The following LAMA5 variants were observed in gnomAD, a reference collection of about 807,000 sequenced individuals.
The protein encoded by LAMA5 is laminin subunit alpha-5.
LAMA5 carries 260 observed loss-of-function variants against 433.4 expected under a neutral mutation model. The observed-to-expected ratio is 0.60, with a 90% confidence interval of 0.54 to 0.66. The LOEUF is 0.66. LAMA5 is among the 30% of genes least tolerant of loss of function. LAMA5 has a pLI of 0.00. For missense variants in LAMA5, 5,378 were observed against 5,258.5 expected, an observed-to-expected ratio of 1.02 and a Z score of -0.70; for synonymous variants, 2,620 against 2,226.6, an observed-to-expected ratio of 1.18 and a Z score of -4.97.
chr20:62,335,324 C>G, intron 18 of LAMA5, 55 bp from the exon 19 acceptor site: 1 of 1,590,666 alleles, frequency 6.3e-7, no homozygotes, highest in African/African-American at 1.3e-5. Flanking sequence ...AGCCTGGCTC[C>G]AGCCCCCCGA....
chr20:62,312,510 C>T lies in LAMA5; in HGVS notation c.9250G>A (p.Gly3084Arg), dbSNP rs373090562. Residue 3084 changes from glycine to arginine, a missense_variant, in exon 68 of 80, where the codon GGA becomes AGA. By Grantham distance (125) the Gly-to-Arg change is moderately radical. Transcript: ENST00000252999. ...PPSLRRLFPT[G>R]GSVRGCVKGI... ...TTGACGCAGCCACGGACTGAGCCTC[C>T]GGTGGGGAAGAGCCGTCGCAGGCTG... 2.4e-5 allele frequency: 39 copies of T among 1,598,784 alleles called. No individual in the cohort carries two copies. Among genetic ancestry groups the T allele is most frequent in the African/African-American group, 9.3e-5 (7 of 74,908 alleles).
At chr20:62,326,238 A>AC (rs1341086727) in intron 40 of LAMA5, among the ~76,000 whole-genome samples, 40 of 152,250 alleles carry the variant, frequency 2.6e-4, no homozygotes, top group South Asian at 4.1e-4. Context: ...CAAACAAAAA[A>AC]AAAAAAACAA....
At chr20:62,363,780 C>T (rs979258182) in intron 1 of LAMA5, among the ~76,000 whole-genome samples, 9 of 152,030 alleles carry the variant, frequency 5.9e-5, no homozygotes, top group African/African-American at 1.4e-4. Flanking sequence ...GCCTTCTCCC[C>T]ACCCCCAGGC....
At chr20:62,323,406 C>T in intron 45 of LAMA5, 50 bp downstream of exon 45, 2 of 1,416,120 alleles carry the variant, frequency 1.4e-6, no homozygotes, top group South Asian at 2.7e-5. Flanking sequence ...GGCCTCCCTC[C>T]TCCCCGCGCA....
rs758006841 is a variant in LAMA5, at chr20:62,316,687, C to T, written c.7740G>A (p.Gln2580=). Residue 2580 remains glutamine, a synonymous_variant, in exon 57 of 80, where the codon CAG becomes CAA. Transcript: ENST00000252999. ...TALEEAMLQE[Q]QRLGLVWAAL... is the part of the protein sequence containing the mutation. ...AGCACTCACCAAGGCCCAGCCTCTG[C>T]TGTTCCTGGAGCATGGCCTCTTCTA... The T allele has an allele frequency of 4.7e-5, 76 of 1,601,990 alleles. No individual in the cohort carries two copies. Among genetic ancestry groups the T allele is most frequent in the Non-Finnish European group, 3.6e-5 (42 of 1,172,736 alleles).
chr20:62,363,194 C>G (rs1006795687), intron 1 of LAMA5, among the ~76,000 whole-genome samples: 7 of 152,170 alleles, frequency 4.6e-5, no homozygotes, highest in South Asian at 2.1e-4. Context: ...TCCAGAGAGA[C>G]AGAATTAAGC....
chr20:62,337,768 A>G, intron 15 of LAMA5, 36 bp downstream of exon 15: 1 of 1,608,950 alleles, frequency 6.2e-7, no homozygotes, highest in Non-Finnish European at 8.5e-7. Context: ...TGGAGACTGC[A>G]CCTGCCTCCC....
rs1286485285 is a variant in LAMA5 at position 62,321,731 on chromosome 20, G to A, written c.6496+288C>T. On this transcript the variant is annotated intron_variant, in intron 48 of 79. Transcript: ENST00000252999. ...GGGCCAGCAGAGGGGTGGGGTCAGT[G>A]GAGGGGTGGGGCCAGTGGAGGGGTG... Among the ~76,000 whole-genome samples, 90 of 121,398 alleles carry A rather than the reference G, an allele frequency of 7.4e-4. 3 individuals are homozygous for A. Among genetic ancestry groups the A allele is most frequent in the Non-Finnish European group, 1.3e-3 (73 of 55,574 alleles). 79.6% of individuals were successfully genotyped at this position (121,398 alleles called of 152,430 possible).
rs369059659 is a variant in LAMA5 at position 62,333,434 on chromosome 20, C to T, written c.3069G>A (p.Leu1023=). The T allele has an allele frequency of 1.2e-6, 2 of 1,612,648 alleles. No individual in the cohort carries two copies. The highest frequency in any genetic ancestry group is 1.7e-5 in the Admixed American group (1 of 59,996). The change falls in exon 25 of 80, where the codon CTG becomes CTA. Residue 1023 remains leucine (L), a synonymous_variant. Transcript: ENST00000252999. ...TGCAGGCCTCAGTCACCCGCAGCTGCAGGAGCGCCGCCTCGTAGTATGCGC... is the reference window on the plus strand; with the variant it reads ...TGCAGGCCTCAGTCACCCGCAGCTGTAGGAGCGCCGCCTCGTAGTATGCGC... ...LPSAYYEAAL[L]QLRVTEACTY...
At chr20:62,313,515 A>C in intron 63 of LAMA5, 55 bp from the exon 64 acceptor site, 1 of 1,561,420 alleles carries the variant, frequency 6.4e-7, no homozygotes, top group Non-Finnish European at 8.7e-7. Context: ...CCCCTCCAGG[A>C]TGGACCAAGG....
At chr20:62,316,848 C>A in intron 56 of LAMA5, 34 bp downstream of exon 56, 1 of 1,536,116 alleles carries the variant, frequency 6.5e-7, no homozygotes, top group Non-Finnish European at 8.8e-7. Context: ...TGGGGGCGCT[C>A]CTGCTGGGGC....
intron 11 of LAMA5, among the ~76,000 whole-genome samples, chr20:62,344,714 G>T (rs1306852806): frequency 6.6e-6 from 1 of 151,980 alleles, no homozygotes; most frequent in Non-Finnish European, 1.5e-5. Context: ...CTCCCAAAGT[G>T]CTGGGATTAC....
intron 79 of LAMA5, 66 bp downstream of exon 79, chr20:62,309,650 T>TGGGGGG (rs1568885175): frequency 1.3e-5 from 4 of 297,700 alleles, no homozygotes; most frequent in African/African-American, 2.0e-4. Flanking sequence ...GGGGGGAGGG[T>TGGGGGG]GGTAGGTTAC....
chr20:62,311,335 G>T (rs780618429), intron 72 of LAMA5, 28 bp from the exon 73 acceptor site: 11 of 1,531,490 alleles, frequency 7.2e-6, no homozygotes, highest in Admixed American at 2.1e-5. Flanking sequence ...GAATGCAGGG[G>T]CCGCCCACAC....
rs554540775 is a variant in LAMA5, at chr20:62,336,759, G to C, written c.2192C>G (p.Ala731Gly). The change falls in exon 17 of 80, where the codon GCC becomes GGC. Residue 731 changes from alanine to glycine, a missense_variant. By Grantham distance (60) the Ala-to-Gly change is moderately conservative. Coordinates refer to ENST00000252999, the MANE Select transcript of LAMA5 (RefSeq NM_005560.6). ...CTCAGGAAGGGCAGGATCCACTGGG[G>C]CCAGACCGGCAGGGTGGCAAGAGCC... ...EAGSCHPAGL[A>G]PVDPALPEAQ... 53 of 1,613,058 alleles carry C rather than the reference G, an allele frequency of 3.3e-5. No individual in the cohort carries two copies. In the East Asian group the frequency reaches 5.6e-4, roughly 17 times the overall value.
At chr20:62,362,097 G>A (rs1269925935) in intron 2 of LAMA5, among the ~76,000 whole-genome samples, 1 of 152,188 alleles carries the variant, frequency 6.6e-6, no homozygotes, top group Non-Finnish European at 1.5e-5. Flanking sequence ...CAGCACCTCC[G>A]CCCTCCCAGC....
intron 11 of LAMA5, among the ~76,000 whole-genome samples, chr20:62,339,460 T>C (rs1483591038): frequency 6.6e-6 from 1 of 151,966 alleles, no homozygotes; most frequent in Non-Finnish European, 1.5e-5. Context: ...ACGGTCTCCA[T>C]CTCCTGACCA....
chr20:62,354,928 A>T (rs143768741), intron 2 of LAMA5, among the ~76,000 whole-genome samples: 2,025 of 152,248 alleles, frequency 0.013, 40 homozygotes, highest in African/African-American at 0.046. Context: ...AGGAAACACG[A>T]ACCTCTCCCC....
chr20:62,327,795 A>G, intron 36 of LAMA5, 71 bp downstream of exon 36: 1 of 1,569,278 alleles, frequency 6.4e-7, no homozygotes, highest in Non-Finnish European at 8.7e-7. Context: ...CTGCCCCGAA[A>G]GGCCCGTAAG....
Sources: gnomAD v4.1 joint callset for allele counts (sites outside exome capture counted in the v4.1 genomes callset) on GRCh38, gnomAD v4.1.1 for gene constraint, MANE v1.5 for transcripts, NCBI Gene and HGNC (gene_info 2026-07-23, HGNC 2026-07-21) for gene names.